Variants in TRPV3 observed in about 807,000 individuals in gnomAD.
TRPV3 encodes the protein transient receptor potential cation channel subfamily V member 3.
Under a neutral mutation model 87.1 loss-of-function variants are expected in TRPV3, and 88 were observed. That is an observed-to-expected ratio of 1.01 (90% CI 0.85 to 1.21). The LOEUF (loss-of-function observed/expected upper bound fraction) is 1.21, where lower values mean the gene tolerates loss of function less well. TRPV3 is among the 50% of genes most tolerant of loss of function. The probability of loss-of-function intolerance (pLI) is 0.00; values close to 1 mark genes in which losing one functional copy is unlikely to be tolerated. For missense variants in TRPV3, 1,054 were observed against 1,030.1 expected, an observed-to-expected ratio of 1.02 and a Z score of -0.32; for synonymous variants, 438 against 423.3, an observed-to-expected ratio of 1.03 and a Z score of -0.43.
chr17:3,530,116 C>T lies in TRPV3; in HGVS notation c.1153G>A (p.Val385Met), dbSNP rs765575509. Residue 385 changes from valine to methionine, a missense_variant, in exon 9 of 18, where the codon GTG becomes ATG. By Grantham distance (21) the Val-to-Met change is conservative. Coordinates refer to ENST00000576742, the MANE Select transcript of TRPV3 (RefSeq NM_145068.4). The surrounding 1 kb of genome is among the most constrained non-coding windows in gnomAD (Gnocchi z 4.0). ...GTGAGGTCGTAGAGGGAGGATGACA[C>T]GGGTCCGTACGCCCAGTCGGTGAAC... ...RKFTDWAYGP[V>M]SSSLYDLTNV... 36 of 1,614,034 alleles carry T rather than the reference C, an allele frequency of 2.2e-5. No homozygotes were observed. Among genetic ancestry groups the T allele is most frequent in the African/African-American group, 5.3e-5 (4 of 74,944 alleles).
rs1401447355 is a variant in TRPV3 at position 3,557,113 on chromosome 17, G to A, written c.-3+563C>T. Among the ~76,000 whole-genome samples the A allele has an allele frequency of 6.6e-6, 1 of 151,976 alleles. No individual in the cohort carries two copies. Among genetic ancestry groups the A allele is most frequent in the Non-Finnish European group, 1.5e-5 (1 of 67,982 alleles). On this transcript the variant is annotated intron_variant, in intron 1 of 17. Coordinates refer to ENST00000576742, the MANE Select transcript of TRPV3 (RefSeq NM_145068.4). This position sits in a 1 kb window ranked among gnomAD's most constrained non-coding sequence, Gnocchi z 4.5. ...TATCATTAGCTCCCTGAGTCACCCC[G>A]TAAACCCCACGTTCTCACCTGCTGG...
In TRPV3 at chr17:3,530,030, G is replaced by A. The variant is rs2074334619; in HGVS notation, c.1239C>T (p.Ile413=). Residue 413 remains isoleucine, a synonymous_variant, in exon 9 of 18, where the codon ATC becomes ATT. Coordinates refer to ENST00000576742, the MANE Select transcript of TRPV3 (RefSeq NM_145068.4). This position sits in a 1 kb window ranked among gnomAD's most constrained non-coding sequence, Gnocchi z 4.0. ...VLEITVYNTN[I]DNRHEMLTLE... The stretch of plus-strand genomic sequence containing the variant: ...CCCGCCTGTGCAGGAGACCCACGTC[G>A]ATGTTGGTGTTGTAGACAGTGATTT... 36 of 1,611,714 alleles carry A rather than the reference G, an allele frequency of 2.2e-5. No individual in the cohort carries two copies. The highest frequency in any genetic ancestry group is 3.0e-5 in the Non-Finnish European group (35 of 1,178,638).
chr17:3,526,794 C>T, intron 12 of TRPV3, 60 bp downstream of exon 12: 1 of 1,366,908 alleles, frequency 7.3e-7, no homozygotes, highest in Non-Finnish European at 1.0e-6. Flanking sequence ...ACACGGCAGC[C>T]ACCATACAGG....
At chr17:3,532,443 G>A (rs959491622) in intron 8 of TRPV3, among the ~76,000 whole-genome samples, 1 of 152,270 alleles carries the variant, frequency 6.6e-6, no homozygotes, top group Non-Finnish European at 1.5e-5. Context: ...CTGAAGTCTA[G>A]AGAGTGGGCT....
intron 13 of TRPV3, among the ~76,000 whole-genome samples, chr17:3,523,249 A>G (rs1386188549): frequency 1.3e-5 from 2 of 152,242 alleles, no homozygotes; most frequent in Middle Eastern, 3.2e-3. Context: ...ACTAGTATCC[A>G]ATTCAGCAAA....
intron 14 of TRPV3, among the ~76,000 whole-genome samples, chr17:3,520,009 G>A (rs547169733): frequency 7.0e-6 from 1 of 142,156 alleles, no homozygotes; most frequent in East Asian, 2.0e-4. Flanking sequence ...TGGATGGATG[G>A]ATGGACGGAT....
chr17:3,550,820 G>A (rs888383082), intron 2 of TRPV3, among the ~76,000 whole-genome samples: 1 of 151,170 alleles, frequency 6.6e-6, no homozygotes, highest in Admixed American at 6.6e-5. Context: ...CACCGCACCC[G>A]GCCTCCTGCC....
intron 16 of TRPV3, 38 bp downstream of exon 16, chr17:3,516,419 C>G: frequency 6.4e-7 from 1 of 1,557,772 alleles, no homozygotes; most frequent in Non-Finnish European, 8.9e-7. Flanking sequence ...CTACCCACCC[C>G]AAAGACCACC....
rs374901499 is a variant in TRPV3 at position 3,544,169 on chromosome 17, C to T, written c.311+410G>A. 1.3e-4 allele frequency among the ~76,000 whole-genome samples: 20 copies of T among 152,268 alleles called. No individual in the cohort carries two copies. The East Asian group carries it at 2.9e-3, about 22-fold the overall frequency. ...GATTACAGGCATGCGCCACCACGCC[C>T]GGCTAAGTTTTGTATTTTTAGTAGA... On this transcript the variant is annotated intron_variant, in intron 4 of 17. Transcript: ENST00000576742.
intron 17 of TRPV3, 44 bp from the exon 18 acceptor site, chr17:3,514,055 C>T (rs534118426): frequency 1.4e-6 from 2 of 1,445,464 alleles, no homozygotes; most frequent in African/African-American, 2.9e-5. Flanking sequence ...TATCACTCTG[C>T]ATAGTGTGTT....
At chr17:3,525,019 T>G (rs2074283121) in intron 12 of TRPV3, among the ~76,000 whole-genome samples, 1 of 151,858 alleles carries the variant, frequency 6.6e-6, no homozygotes, top group Admixed American at 6.6e-5. Context: ...TGGTGTTTTT[T>G]GGGGGGGTCA....
intron 2 of TRPV3, chr17:3,546,778 G>GACCA (rs57590428): frequency 5.5e-5 from 19 of 348,388 alleles, no homozygotes; most frequent in Admixed American, 9.1e-5. Context: ...AGGAGTTTGA[G>GACCA]GCCAATGCGG....
Position 3,528,100 on chromosome 17 carries a change from C to G in TRPV3, c.1428G>C (p.Thr476=), listed in dbSNP as rs763235764. 6.2e-7 allele frequency: 1 copy of G among 1,613,354 alleles called. No homozygotes were observed. The highest frequency in any genetic ancestry group is 1.1e-5 in the South Asian group (1 of 91,032). The change falls in exon 11 of 18, where the codon ACG becomes ACC. Residue 476 remains threonine (T), a synonymous_variant. Transcript: ENST00000576742. This position sits in a 1 kb window ranked among gnomAD's most constrained non-coding sequence, Gnocchi z 4.2. ...GGAGCTGCAGCCACCCCATCTTGTG[C>G]GTCAGGGCCAAGGGGTGCGGGATGG... ...EEAIPHPLAL[T]HKMGWLQLLG...
In TRPV3 at chr17:3,519,372, G is replaced by A. The variant is rs527441611; in HGVS notation, c.1811-522C>T. 8.8e-3 allele frequency among the ~76,000 whole-genome samples: 1,276 copies of A among 145,374 alleles called. 16 individuals are homozygous for A. Among genetic ancestry groups the A allele is most frequent in the African/African-American group, 0.031 (1,215 of 39,434 alleles). ...GATGGATGGATATGGAGGGATGGAT[G>A]GAGGGATGGATGATTAGATGGAGGG... On this transcript the variant is annotated intron_variant, in intron 14 of 17. Transcript: ENST00000576742.
intron 6 of TRPV3, among the ~76,000 whole-genome samples, chr17:3,540,206 A>G (rs944677206): frequency 4.6e-5 from 7 of 152,310 alleles, no homozygotes; most frequent in South Asian, 2.1e-4. Context: ...AGAGTGGACA[A>G]TCAGAGTGGT....
intron 13 of TRPV3, 23 bp from the exon 14 acceptor site, chr17:3,521,062 C>G (rs747809089): frequency 6.4e-7 from 1 of 1,557,342 alleles, no homozygotes; most frequent in Admixed American, 1.7e-5. Flanking sequence ...AAACATAATT[C>G]AAGTGTAAGG....
intron 9 of TRPV3, 43 bp from the exon 10 acceptor site, chr17:3,529,038 G>A: frequency 6.2e-7 from 1 of 1,612,072 alleles, no homozygotes; most frequent in Non-Finnish European, 8.5e-7. Context: ...ATGAGGGAGA[G>A]AGGGAGGGAC....
At chr17:3,533,561 C>T (rs527984874) in intron 7 of TRPV3, among the ~76,000 whole-genome samples, 5 of 147,836 alleles carry the variant, frequency 3.4e-5, no homozygotes, top group Non-Finnish European at 5.9e-5. Context: ...TGCAGTGGTG[C>T]GATCTCGCCT....
At chr17:3,527,916 G>C (rs902242950) in intron 11 of TRPV3, 109 bp downstream of exon 11, 24 of 863,410 alleles carry the variant, frequency 2.8e-5, no homozygotes, top group Non-Finnish European at 4.0e-5. Flanking sequence ...GCTTGGGAAG[G>C]AAACGCCTCC....
Sources: gnomAD v4.1 joint callset for allele counts (sites outside exome capture counted in the v4.1 genomes callset) on GRCh38, gnomAD v4.1.1 for gene constraint, Gnocchi (gnomAD v3.1) non-coding constraint, MANE v1.5 for transcripts, NCBI Gene and HGNC (gene_info 2026-07-23, HGNC 2026-07-21) for gene names.